The following PRKAR2A variants were observed in gnomAD, a reference collection of about 807,000 sequenced individuals.
PRKAR2A encodes the protein cAMP-dependent protein kinase type II-alpha regulatory subunit.
PRKAR2A carries 29 observed loss-of-function variants against 51.9 expected under a neutral mutation model. That is an observed-to-expected ratio of 0.56 (90% CI 0.42 to 0.76). The LOEUF is 0.76. PRKAR2A is among the 30% of genes least tolerant of loss of function. The probability of loss-of-function intolerance (pLI) is 0.00; values close to 1 mark genes in which losing one functional copy is unlikely to be tolerated. For missense variants in PRKAR2A, 445 were observed against 512.1 expected (o/e 0.87, Z 1.26); for synonymous variants, 178 against 186.2 (o/e 0.96, Z 0.36).
chr3:48,791,747 T>C (rs1575884802), intron 3 of PRKAR2A, among the ~76,000 whole-genome samples: 2 of 141,604 alleles, frequency 1.4e-5, no homozygotes, highest in African/African-American at 2.6e-5. Context: ...CTACTAAAAA[T>C]ACAAAATTAC....
chr3:48,838,902 C>A (rs760281028), intron 1 of PRKAR2A, among the ~76,000 whole-genome samples: 2 of 149,776 alleles, frequency 1.3e-5, no homozygotes, highest in Non-Finnish European at 3.0e-5. Context: ...AAGAATGGCA[C>A]GAACCTGGGA....
At chr3:48,804,515 G>A (rs748043080) in intron 2 of PRKAR2A, among the ~76,000 whole-genome samples, 8 of 152,136 alleles carry the variant, frequency 5.3e-5, no homozygotes, top group Non-Finnish European at 1.0e-4. Flanking sequence ...GTATGTGCCA[G>A]GGAGTGATTA....
intron 8 of PRKAR2A, among the ~76,000 whole-genome samples, chr3:48,764,644 G>T (rs927885739): frequency 5.9e-5 from 9 of 151,298 alleles, no homozygotes. Flanking sequence ...GTTTTTTTTT[G>T]AAATGGAGTC....
chr3:48,804,161 A>C (rs1283843493), intron 2 of PRKAR2A, among the ~76,000 whole-genome samples: 2 of 152,100 alleles, frequency 1.3e-5, no homozygotes, highest in East Asian at 3.9e-4. Flanking sequence ...AGCAAAGCAA[A>C]TAAAAAGGGA....
intron 1 of PRKAR2A, among the ~76,000 whole-genome samples, chr3:48,842,794 T>C (rs1417992351): frequency 6.6e-6 from 1 of 152,208 alleles, no homozygotes; most frequent in African/African-American, 2.4e-5. Context: ...AGCTTTTTGA[T>C]GTGCTGCTGG....
chr3:48,759,184 T>G (rs2081823825), intron 8 of PRKAR2A, among the ~76,000 whole-genome samples: 1 of 152,156 alleles, frequency 6.6e-6, no homozygotes, highest in Non-Finnish European at 1.5e-5. Context: ...GCATTTCCAA[T>G]CTCATGAAAC....
At chr3:48,803,639 T>C (rs2082625462) in intron 2 of PRKAR2A, among the ~76,000 whole-genome samples, 1 of 152,174 alleles carries the variant, frequency 6.6e-6, no homozygotes, top group Non-Finnish European at 1.5e-5. Flanking sequence ...TTGGCCAGTC[T>C]GCTCTCAAAC....
In PRKAR2A at chr3:48,752,324, C is replaced by T; in HGVS notation, c.940-7G>A. The T allele has an allele frequency of 6.2e-7, 1 of 1,612,812 alleles. No individual in the cohort carries two copies. Among genetic ancestry groups the T allele is most frequent in the Non-Finnish European group, 8.5e-7 (1 of 1,179,476 alleles). ...CATCCTTGTTTGATTTAGTCTACAG[C>T]AGGCAAAGAACATGACCTAGGCTGA... On this transcript the variant is annotated splice_region_variant and splice_polypyrimidine_tract_variant and intron_variant, in intron 9 of 10. Coordinates refer to ENST00000265563, the MANE Select transcript of PRKAR2A (RefSeq NM_004157.4).
chr3:48,819,863 A>G (rs1367201542), intron 1 of PRKAR2A, among the ~76,000 whole-genome samples: 3 of 152,172 alleles, frequency 2.0e-5, no homozygotes, highest in Non-Finnish European at 4.4e-5. Context: ...CTCCTGTGAC[A>G]CTACTCCAAA....
At chr3:48,801,501 C>A (rs139826949) in intron 2 of PRKAR2A, among the ~76,000 whole-genome samples, 39 of 152,284 alleles carry the variant, frequency 2.6e-4, no homozygotes, top group African/African-American at 8.7e-4. Context: ...GTTGGCCAGG[C>A]TGATCTCGAA....
At chr3:48,829,847 G>GTGTATATATATATATATATATA (rs777532795) in intron 1 of PRKAR2A, among the ~76,000 whole-genome samples, 1 of 63,750 alleles carries the variant, frequency 1.6e-5, no homozygotes, top group Non-Finnish European at 2.8e-5. Context: ...ATGCGTGTGT[G>GTGTATATATATATATATATATA]TATATATATA....
At chr3:48,829,991 A>G (rs1236904110) in intron 1 of PRKAR2A, among the ~76,000 whole-genome samples, 1 of 148,616 alleles carries the variant, frequency 6.7e-6, no homozygotes, top group African/African-American at 2.5e-5. Context: ...TGAGGTCAGG[A>G]GTTTGAAACC....
intron 2 of PRKAR2A, among the ~76,000 whole-genome samples, chr3:48,803,425 T>G (rs1312898630): frequency 1.3e-5 from 2 of 152,016 alleles, no homozygotes; most frequent in Non-Finnish European, 2.9e-5. Context: ...TCTTATTTAT[T>G]TGTTTATTTG....
In PRKAR2A at chr3:48,751,724, T is replaced by G; in HGVS notation, c.1082-6A>C. On this transcript the variant is annotated splice_polypyrimidine_tract_variant and splice_region_variant and intron_variant, in intron 10 of 10. Transcript: ENST00000265563. The stretch of plus-strand genomic sequence containing the variant: ...GAATGCTTGTACATCCATAACTGCA[T>G]TGTTAAAAAGAGGTGAGGGAGAGAA... 1 of 1,607,622 alleles carries G rather than the reference T, an allele frequency of 6.2e-7. No individual in the cohort carries two copies. Among genetic ancestry groups the G allele is most frequent in the Non-Finnish European group, 8.5e-7 (1 of 1,175,142 alleles).
intron 4 of PRKAR2A, among the ~76,000 whole-genome samples, chr3:48,785,771 A>G (rs1230149529): frequency 1.3e-5 from 2 of 152,200 alleles, no homozygotes; most frequent in Non-Finnish European, 2.9e-5. Flanking sequence ...TAAATGGCTC[A>G]GAACAAAAGA....
chr3:48,762,593 C>A (rs1575844176), intron 8 of PRKAR2A, among the ~76,000 whole-genome samples: 1 of 151,930 alleles, frequency 6.6e-6, no homozygotes, highest in Non-Finnish European at 1.5e-5. Context: ...TGAGATTATG[C>A]CACTGTACTC....
intron 1 of PRKAR2A, among the ~76,000 whole-genome samples, chr3:48,838,689 T>A (rs1422629075): frequency 6.6e-6 from 1 of 151,632 alleles, no homozygotes; most frequent in Non-Finnish European, 1.5e-5. Flanking sequence ...TTCTAAAAAT[T>A]GTTATGGCGC....
intron 8 of PRKAR2A, 144 bp from the exon 9 acceptor site, chr3:48,756,588 A>G: frequency 3.2e-6 from 2 of 617,204 alleles, no homozygotes; most frequent in Non-Finnish European, 5.6e-6. Flanking sequence ...AATTCAGAGC[A>G]GGCAATGAGA....
Position 48,760,527 on chromosome 3 carries a change from T to C in PRKAR2A, c.874-4083A>G, listed in dbSNP as rs1269666689. On this transcript the variant is annotated intron_variant, in intron 8 of 10. Coordinates refer to ENST00000265563, the MANE Select transcript of PRKAR2A (RefSeq NM_004157.4). ...CCTGTCTCTACAAAAAATTTAAAAA[T>C]TAGCTGGGTGTAGGCCGGGCGCAGT... Among the ~76,000 whole-genome samples the C allele has an allele frequency of 2.0e-5, 3 of 151,362 alleles. No individual in the cohort carries two copies. The East Asian group carries it at 5.8e-4, about 29-fold the overall frequency.
Sources: allele counts gnomAD v4.1 joint callset (sites outside exome capture counted in the v4.1 genomes callset), GRCh38; gene constraint gnomAD v4.1.1; transcripts MANE v1.5; gene names NCBI Gene and HGNC (gene_info 2026-07-23, HGNC 2026-07-21).